EFCAB12: variants seen among roughly 807,000 people sequenced by gnomAD.
EFCAB12 encodes EF-hand calcium-binding domain-containing protein 12.
EFCAB12 carries 43 observed loss-of-function variants against 53.6 expected under a neutral mutation model. The observed-to-expected ratio is 0.80, with a 90% CI of 0.63 to 1.03. The LOEUF (loss-of-function observed/expected upper bound fraction) is 1.03, where lower values mean the gene tolerates loss of function less well. Ranked by LOEUF, EFCAB12 falls within the 50% of genes least tolerant of loss-of-function variation. The probability of loss-of-function intolerance (pLI) is 0.00; values close to 1 mark genes in which losing one functional copy is unlikely to be tolerated. For synonymous variants in EFCAB12, 269 were observed against 289.2 expected (o/e 0.93, Z 0.71); for missense variants, 646 against 730.6 (o/e 0.88, Z 1.34).
At chr3:129,404,777 G>C (rs1416008782) in intron 6 of EFCAB12, among the ~76,000 whole-genome samples, 2 of 152,096 alleles carry the variant, frequency 1.3e-5, no homozygotes, top group Non-Finnish European at 2.9e-5. Context: ...GGAGGCAGGA[G>C]GATTTGACCA....
intron 4 of EFCAB12, chr3:129,411,566 A>C: frequency 2.2e-6 from 1 of 461,606 alleles, no homozygotes; most frequent in Non-Finnish European, 3.8e-6. Context: ...CCCTTACTGC[A>C]CCAACCCCAG....
In EFCAB12 at chr3:129,415,283, A is replaced by G. The variant is rs1180422760; in HGVS notation, c.800T>C (p.Met267Thr). The change falls in exon 4 of 9, where the codon ATG (methionine) becomes ACG (threonine). Residue 267 changes from methionine (M) to threonine (T), a missense_variant. Transcript: ENST00000505956. ...ILANTYKQWS[M>T]AQQRSSLATA... is the part of the protein sequence containing the mutation. ...GGCCAGGCTGCTCCTTTGCTGAGCC[A>G]TAGACCACTGCTTGTAGGTATTGGC... 1.2e-6 allele frequency: 2 copies of G among 1,612,596 alleles called. No homozygotes were observed. The highest frequency in any genetic ancestry group is 2.2e-5 in the East Asian group (1 of 44,844).
chr3:129,424,393 C>T (rs766505737), intron 1 of EFCAB12, among the ~76,000 whole-genome samples: 8 of 152,134 alleles, frequency 5.3e-5, no homozygotes, highest in Non-Finnish European at 8.8e-5. Context: ...CTCATGAGAG[C>T]GAGTGCTCAC....
At chr3:129,411,020 C>T (rs889859637) in intron 5 of EFCAB12, 138 bp downstream of exon 5, 39 of 830,482 alleles carry the variant, frequency 4.7e-5, no homozygotes, top group Middle Eastern at 7.3e-4. Context: ...AGATGAGGGA[C>T]GTGAAGAAGG....
intron 1 of EFCAB12, among the ~76,000 whole-genome samples, chr3:129,423,504 T>C (rs1298457343): frequency 6.6e-6 from 1 of 152,076 alleles, no homozygotes; most frequent in Middle Eastern, 3.2e-3. Context: ...GGTGCACGCC[T>C]GTAGTCGCAG....
intron 1 of EFCAB12, among the ~76,000 whole-genome samples, chr3:129,422,197 A>G (rs1410665649): frequency 6.6e-6 from 1 of 152,232 alleles, no homozygotes; most frequent in Non-Finnish European, 1.5e-5. Flanking sequence ...TACTGGCTGC[A>G]TGATCTTGAG....
intron 4 of EFCAB12, chr3:129,413,106 T>A (rs2072066342): frequency 6.6e-6 from 1 of 152,046 alleles, no homozygotes; most frequent in African/African-American, 2.4e-5. Flanking sequence ...TAAACTGAGA[T>A]CATTCTGCAA....
intron 1 of EFCAB12, among the ~76,000 whole-genome samples, chr3:129,422,398 T>A (rs115698211): frequency 7.9e-4 from 121 of 152,342 alleles, no homozygotes; most frequent in Middle Eastern, 3.4e-3. Flanking sequence ...TGACTTTTGA[T>A]AACCTTAAAA....
intron 8 of EFCAB12, among the ~76,000 whole-genome samples, 181 bp downstream of exon 8, chr3:129,402,342 T>G (rs763053678): frequency 6.6e-6 from 1 of 152,074 alleles, no homozygotes; most frequent in Non-Finnish European, 1.5e-5. Context: ...TCTGAGTGAG[T>G]GAACACATGG....
chr3:129,411,391 T>A, intron 4 of EFCAB12, 37 bp from the exon 5 acceptor site: 1 of 1,525,436 alleles, frequency 6.6e-7, no homozygotes, highest in Non-Finnish European at 8.8e-7. Flanking sequence ...AAGGAGGGAC[T>A]AAGAGGGTGC....
At chr3:129,420,770 AG>A (rs777164553) in intron 2 of EFCAB12, among the ~76,000 whole-genome samples, 5 of 152,216 alleles carry the variant, frequency 3.3e-5, no homozygotes, top group Non-Finnish European at 5.9e-5. Context: ...GAGCATGGGT[AG>A]TACTCAGGGA....
rs1351923853 is a variant in EFCAB12 at position 129,402,597 on chromosome 3, G to A, written c.1404-18C>T. The A allele has an allele frequency of 6.2e-7, 1 of 1,609,698 alleles. No homozygotes were observed. The highest frequency in any genetic ancestry group is 1.3e-5 in the African/African-American group (1 of 74,960). On this transcript the variant is annotated intron_variant, in intron 7 of 8. Transcript: ENST00000505956. ...GCGTTTTCCTAGTGGAGAAGAGAGA[G>A]GCATTTTGTGAGGAGAGTGGAAATC...
intron 1 of EFCAB12, among the ~76,000 whole-genome samples, 185 bp downstream of exon 1, chr3:129,428,255 G>A (rs569070982): frequency 6.6e-5 from 10 of 152,278 alleles, no homozygotes; most frequent in Admixed American, 4.6e-4. Context: ...TCGGGCCTCT[G>A]GTTCCTCCAA....
In EFCAB12 at chr3:129,408,684, A is replaced by T; in HGVS notation, c.1210T>A (p.Ser404Thr). ...VYLQCWKLCK[S>T]YGLPLTEDIL... ...TCCTCTGTCAGCGGGAGGCCATAGG[A>T]CTTACAGAGCTTCCAGCATTGCAGG... Residue 404 changes from serine to threonine, a missense_variant, in exon 6 of 9, where the codon TCC becomes ACC. Coordinates refer to ENST00000505956, the MANE Select transcript of EFCAB12 (RefSeq NM_207307.3). The T allele has an allele frequency of 6.3e-7, 1 of 1,586,700 alleles. No homozygotes were observed. The highest frequency in any genetic ancestry group is 8.6e-7 in the Non-Finnish European group (1 of 1,165,354).
chr3:129,410,466 G>A (rs2107737538), intron 5 of EFCAB12, among the ~76,000 whole-genome samples: 1 of 152,178 alleles, frequency 6.6e-6, no homozygotes, highest in South Asian at 2.1e-4. Flanking sequence ...ACAGGCACAT[G>A]CCATCACCCC....
chr3:129,405,697 A>G (rs1163052858), intron 6 of EFCAB12, among the ~76,000 whole-genome samples: 1 of 152,214 alleles, frequency 6.6e-6, no homozygotes, highest in African/African-American at 2.4e-5. Flanking sequence ...AGTCTGAGCC[A>G]CCAAGGTCTA....
chr3:129,412,305 C>T (rs1308032578), intron 4 of EFCAB12: 1 of 152,028 alleles, frequency 6.6e-6, no homozygotes, highest in East Asian at 1.9e-4. Flanking sequence ...TTGCTTATGC[C>T]CAGGAATTTG....
In EFCAB12 at chr3:129,411,344, C is replaced by T. The variant is rs781751496; in HGVS notation, c.849G>A (p.Leu283=). 3 of 1,580,426 alleles carry T rather than the reference C, an allele frequency of 1.9e-6. No individual in the cohort carries two copies. The highest frequency in any genetic ancestry group is 4.5e-5 in the East Asian group (2 of 44,134). The change falls in exon 5 of 9, where the codon TTG becomes TTA. Residue 283 remains leucine (L), a synonymous_variant. Coordinates refer to ENST00000505956, the MANE Select transcript of EFCAB12 (RefSeq NM_207307.3). ...CCTTCAGGGAATCTCTGTGCTTGGC[C>T]AAGATATAATCTGGAGTCAGAGGGA... is the stretch of plus-strand genomic sequence containing the variant. ...SLATAREHYI[L]AKHRDSLKGP...
intron 4 of EFCAB12, 167 bp downstream of exon 4, chr3:129,415,078 A>T: frequency 7.3e-6 from 5 of 686,728 alleles, no homozygotes; most frequent in African/African-American, 1.9e-5. Context: ...TCTACTCCTT[A>T]GTTAATCTCT....
Sources: gnomAD v4.1 joint callset for allele counts (sites outside exome capture counted in the v4.1 genomes callset) on GRCh38, gnomAD v4.1.1 for gene constraint, MANE v1.5 for transcripts, NCBI Gene and HGNC (gene_info 2026-07-23, HGNC 2026-07-21) for gene names.